The following ZNF837 variants were observed in gnomAD, a reference collection of about 807,000 sequenced individuals.
The protein encoded by ZNF837 is zinc finger protein 837.
For missense variants in ZNF837, 955 were observed against 801.7 expected, an observed-to-expected ratio of 1.19 and a Z score of -2.31; for synonymous variants, 475 against 365.2, an observed-to-expected ratio of 1.30 and a Z score of -3.43.
intron 2 of ZNF837, 137 bp from the exon 3 acceptor site, chr19:58,369,498 G>A: frequency 1.6e-6 from 1 of 636,586 alleles, no homozygotes; most frequent in Non-Finnish European, 2.3e-6. Context: ...AAGGGTAAAT[G>A]GAGTGACATA....
intron 1 of ZNF837, among the ~76,000 whole-genome samples, chr19:58,375,313 A>AT (rs1568568408): frequency 0.052 from 1,776 of 34,406 alleles, 249 homozygotes; most frequent in South Asian, 0.079. Flanking sequence ...TATATATATA[A>AT]AATTACATAT....
Position 58,368,941 on chromosome 19 carries a change from GCCAGGCAGGAGTT to G in ZNF837, c.379_391del (p.Asn127ArgfsTer276). The G allele has an allele frequency of 6.5e-7, 1 of 1,543,876 alleles. No homozygotes were observed. Among genetic ancestry groups the G allele is most frequent in the Non-Finnish European group, 8.8e-7 (1 of 1,142,852 alleles). On this transcript the variant is annotated frameshift_variant, in exon 3 of 3. Transcript: ENST00000597582. LOFTEE classifies it low-confidence loss of function (END_TRUNC). The stretch of plus-strand genomic sequence containing the variant: ...CCCAGCGGGCGCCCCGCGATGCCAC[GCCAGGCAGGAGTT>G]CCTGCTGCAGTCCCCGCCACGCGCT...
intron 1 of ZNF837, among the ~76,000 whole-genome samples, chr19:58,373,423 C>T (rs540955310): frequency 3.9e-4 from 59 of 152,332 alleles, no homozygotes; most frequent in African/African-American, 1.2e-3. Flanking sequence ...TGCTTTGCCC[C>T]GTGGCCTGGA....
chr19:58,372,133 C>CA (rs745555289), intron 1 of ZNF837, among the ~76,000 whole-genome samples: 1 of 152,040 alleles, frequency 6.6e-6, no homozygotes, highest in Non-Finnish European at 1.5e-5. Flanking sequence ...CAGCTCACCG[C>CA]AACCTCCGCC....
intron 1 of ZNF837, among the ~76,000 whole-genome samples, chr19:58,371,807 C>T (rs574323952): frequency 3.9e-5 from 6 of 152,270 alleles, no homozygotes; most frequent in Non-Finnish European, 5.9e-5. Flanking sequence ...CTGCAACCTC[C>T]GCCTGCTGGG....
chr19:58,375,309 T>TATATATAA lies in ZNF837; in HGVS notation c.-139-5382_-139-5381insTTATATAT, dbSNP rs1429633854. 4.0e-3 allele frequency among the ~76,000 whole-genome samples: 168 copies of TATATATAA among 41,754 alleles called. 3 individuals carry two copies. The highest frequency in any genetic ancestry group is 8.2e-3 in the African/African-American group (164 of 19,986). The allele number at this position is 41,754 out of a possible 152,430, so 27.4% of individuals were successfully genotyped here. A position where few individuals can be genotyped will look rare whatever the true frequency, so the allele number is the denominator to read the frequency against. On this transcript the variant is annotated intron_variant, in intron 1 of 2. Transcript: ENST00000597582. ...ATATATATATATATATATATATATA[T>TATATATAA]ATAAAATTACATATATACTTAAGAG... is the stretch of plus-strand genomic sequence containing the variant.
chr19:58,379,498 A>G (rs1419526693), intron 1 of ZNF837, among the ~76,000 whole-genome samples: 1 of 152,192 alleles, frequency 6.6e-6, no homozygotes, highest in Non-Finnish European at 1.5e-5. Context: ...GGCTGAGCAC[A>G]GCAAACACAA....
Position 58,368,572 on chromosome 19 carries a change from TG to T in ZNF837, c.760del (p.Gln254LysfsTer153). 1 of 1,536,166 alleles carries T rather than the reference TG, an allele frequency of 6.5e-7. No homozygotes were observed. The highest frequency in any genetic ancestry group is 8.7e-7 in the Non-Finnish European group (1 of 1,144,104). On this transcript the variant is annotated frameshift_variant, in exon 3 of 3. Coordinates refer to ENST00000597582, the MANE Select transcript of ZNF837 (RefSeq NM_138466.2). LOFTEE classifies it low-confidence loss of function (END_TRUNC). ...GACAATAGGGCGAGGTCGCGAGGTTTGGCCGCACTCAGGACACACTGGGGGA... is the reference window on the plus strand; with the variant it reads ...GACAATAGGGCGAGGTCGCGAGGTTTGCCGCACTCAGGACACACTGGGGGA... ...KSPPVCPECG[Q>X]TSRPRPIVPD...
chr19:58,370,523 C>A (rs2052190273), intron 1 of ZNF837, among the ~76,000 whole-genome samples: 1 of 152,128 alleles, frequency 6.6e-6, no homozygotes, highest in Non-Finnish European at 1.5e-5. Context: ...ATTCTGCTTA[C>A]AACAGTGGAC....
At chr19:58,380,396 G>A (rs901559023) in intron 1 of ZNF837, among the ~76,000 whole-genome samples, 75 of 152,338 alleles carry the variant, frequency 4.9e-4, no homozygotes, top group Non-Finnish European at 8.8e-5. Flanking sequence ...GGAGGGGACC[G>A]CAGACAAGAA....
At position 58,368,950 on chromosome 19, in the gene ZNF837, G is replaced by A; in HGVS notation, c.383C>T (p.Ser128Phe). 1 of 1,542,602 alleles carries A rather than the reference G, an allele frequency of 6.5e-7. No homozygotes were observed. The highest frequency in any genetic ancestry group is 8.8e-7 in the Non-Finnish European group (1 of 1,141,870). ...CGCCCCGCGATGCCACGCCAGGCAGGAGTTCCTGCTGCAGTCCCCGCCACG... is the reference window on the plus strand; with the variant it reads ...CGCCCCGCGATGCCACGCCAGGCAGAAGTTCCTGCTGCAGTCCCCGCCACG... ...PARGGDCSRN[S>F]CLAWHRGAPA... The change falls in exon 3 of 3, where the codon TCC becomes TTC. Residue 128 changes from serine (S) to phenylalanine (F), a missense_variant. Ser to Phe is a radical substitution (Grantham distance 155). Coordinates refer to ENST00000597582, the MANE Select transcript of ZNF837 (RefSeq NM_138466.2).
rs2052155618 is a variant in ZNF837, at chr19:58,368,114, T to A, written c.1219A>T (p.Ser407Cys). Residue 407 changes from serine (S) to cysteine (C), a missense_variant, in exon 3 of 3, where the codon AGC becomes TGC. By Grantham distance (112) the Ser-to-Cys change is moderately radical. Transcript: ENST00000597582. ...CTGCTGTGAGTGCGCTGGTGCCGGC[T>A]CAGGTTCGAGCGCTGGTTGAAGGCC... ...GKAFNQRSNLSRHQRTHSSAK... is the reference protein window; with the variant it reads ...GKAFNQRSNLCRHQRTHSSAK... 6.4e-7 allele frequency: 1 copy of A among 1,568,826 alleles called. No individual in the cohort carries two copies. Among genetic ancestry groups the A allele is most frequent in the Admixed American group, 1.9e-5 (1 of 53,846 alleles).
rs781204607 is a variant in ZNF837, at chr19:58,367,999, C to G, written c.1334G>C (p.Arg445Pro). 198 of 1,531,898 alleles carry G rather than the reference C, an allele frequency of 1.3e-4. No individual in the cohort carries two copies. Among genetic ancestry groups the G allele is most frequent in the Non-Finnish European group, 1.6e-4 (185 of 1,144,004 alleles). 94.9% of individuals were successfully genotyped at this position (1,531,898 alleles called of 1,614,324 possible). ...TCCGCACTCGGAGCAGCCATAGGGC[C>G]GCTCGCCGGTGTGCGCGCGCTGGTG... ...VQHQRAHTGE[R>P]PYGCSECGKT... The change falls in exon 3 of 3, where the codon CGG becomes CCG. Residue 445 changes from arginine to proline, a missense_variant. By Grantham distance (103) the Arg-to-Pro change is moderately radical. Transcript: ENST00000597582.
intron 1 of ZNF837, among the ~76,000 whole-genome samples, chr19:58,371,166 G>A (rs763960543): frequency 7.2e-5 from 11 of 151,818 alleles, no homozygotes; most frequent in African/African-American, 1.2e-4. Flanking sequence ...GTGTGAACCC[G>A]GGAGGCGGAG....
intron 1 of ZNF837, among the ~76,000 whole-genome samples, chr19:58,372,952 G>A (rs1485036181): frequency 2.0e-5 from 3 of 152,228 alleles, no homozygotes; most frequent in African/African-American, 7.2e-5. Context: ...CAAGGGTTCA[G>A]CAAGTACCAG....
intron 1 of ZNF837, among the ~76,000 whole-genome samples, chr19:58,370,915 G>GA (rs1319907999): frequency 8.9e-6 from 1 of 112,630 alleles, no homozygotes; most frequent in Non-Finnish European, 1.8e-5. Flanking sequence ...AGGAAAAAAA[G>GA]AAAAGAGAGA....
intron 1 of ZNF837, among the ~76,000 whole-genome samples, chr19:58,375,712 C>T (rs968634826): frequency 6.6e-6 from 1 of 150,882 alleles, no homozygotes; most frequent in Non-Finnish European, 1.5e-5. Context: ...TCCCAAAGTG[C>T]TGGGATTACA....
chr19:58,378,123 C>G (rs78074586), intron 1 of ZNF837, among the ~76,000 whole-genome samples: 1 of 152,332 alleles, frequency 6.6e-6, no homozygotes, highest in Non-Finnish European at 1.5e-5. Flanking sequence ...GGTCCAGGGT[C>G]ATTGCCAGGC....
chr19:58,376,219 C>T (rs114054269), intron 1 of ZNF837, among the ~76,000 whole-genome samples: 3 of 152,042 alleles, frequency 2.0e-5, no homozygotes, highest in Admixed American at 6.6e-5. Context: ...TGCGCCCGGC[C>T]GAAGGTGGTT....
Sources: allele counts gnomAD v4.1 joint callset (sites outside exome capture counted in the v4.1 genomes callset), GRCh38; gene constraint gnomAD v4.1.1; transcripts MANE v1.5; gene names NCBI Gene and HGNC (gene_info 2026-07-23, HGNC 2026-07-21).